Variants in INSRR observed in about 807,000 individuals in gnomAD.
INSRR encodes the protein insulin receptor-related protein.
INSRR carries 114 observed loss-of-function variants against 130.0 expected under a neutral mutation model. The observed-to-expected ratio is 0.88, with a 90% confidence interval of 0.75 to 1.02. The LOEUF (loss-of-function observed/expected upper bound fraction) is 1.02. Ranked by LOEUF, INSRR falls within the 50% of genes least tolerant of loss-of-function variation. The pLI is 0.00. For missense variants in INSRR, 1,657 were observed against 1,735.2 expected (o/e 0.95, Z 0.80); for synonymous variants, 674 against 705.2 (o/e 0.96, Z 0.70).
rs749463486 is a variant in INSRR, at chr1:156,846,056, C to A, written c.1874G>T (p.Trp625Leu). The A allele has an allele frequency of 1.9e-6, 3 of 1,612,752 alleles. No individual in the cohort carries two copies. The highest frequency in any genetic ancestry group is 2.5e-6 in the Non-Finnish European group (3 of 1,179,476). ...CCCATTGCGCTGGGTCGGTGGCTTC[C>A]AGCGCACCAGGAGGTGGGAGGAGGA... ...SNSSSHLLVR[W>L]KPPTQRNGNL... is the part of the protein sequence containing the mutation. Residue 625 changes from tryptophan (W) to leucine (L), a missense_variant, in exon 9 of 22, where the codon TGG becomes TTG. Physicochemically the swap from Trp to Leu is moderately conservative, Grantham distance 61 (BLOSUM62 -2). Coordinates refer to ENST00000368195, the MANE Select transcript of INSRR (RefSeq NM_014215.3).
chr1:156,857,163 ATGTGTGTGTGTGTG>A (rs57324546), intron 1 of INSRR, among the ~76,000 whole-genome samples: 6,074 of 130,612 alleles, frequency 0.047, 137 homozygotes, highest in Non-Finnish European at 0.068. Flanking sequence ...GCAGCTGTGT[ATGTGTGTGTGTGTG>A]TGTGTGTGTG....
chr1:156,856,327 C>T (rs984859461), intron 1 of INSRR, among the ~76,000 whole-genome samples: 4 of 152,114 alleles, frequency 2.6e-5, no homozygotes, highest in African/African-American at 9.7e-5. Flanking sequence ...TCTGTGACTG[C>T]GAAGAAGTGA....
At chr1:156,846,876 A>G in intron 7 of INSRR, 119 bp from the exon 8 acceptor site, 1 of 805,030 alleles carries the variant, frequency 1.2e-6, no homozygotes, top group Non-Finnish European at 2.1e-6. Context: ...GGGCAAAGCC[A>G]TGACTCCAGC....
rs1365167847 is a variant in INSRR at position 156,850,224 on chromosome 1, T to A, written c.1230-764A>T. On this transcript the variant is annotated intron_variant, in intron 5 of 21. Coordinates refer to ENST00000368195, the MANE Select transcript of INSRR (RefSeq NM_014215.3). ...GCCTGGTTGGTTATTTATTTATGTA[T>A]GTTTTGAGCTGGAGTCTCCCTCTGT... 2.0e-5 allele frequency among the ~76,000 whole-genome samples: 3 copies of A among 152,012 alleles called. No individual in the cohort carries two copies. In the East Asian group the frequency reaches 5.8e-4, roughly 29 times the overall value.
Position 156,854,379 on chromosome 1 carries a change from G to A in INSRR, c.86-76C>T, listed in dbSNP as rs191669600. ...CCATCCAGCCCTGGCAGCTTTGGAG[G>A]GGAGCCACACTGGCAGTAGGACAAT... On this transcript the variant is annotated intron_variant, in intron 1 of 21. Coordinates refer to ENST00000368195, the MANE Select transcript of INSRR (RefSeq NM_014215.3). The surrounding 1 kb of genome is among the most constrained non-coding windows in gnomAD (Gnocchi z 4.2). 4.3e-6 allele frequency: 6 copies of A among 1,408,304 alleles called. No homozygotes were observed. Among genetic ancestry groups the A allele is most frequent in the Admixed American group, 2.1e-5 (1 of 48,480 alleles). The allele number at this position is 1,408,304 out of a possible 1,614,324, so 87.2% of individuals were successfully genotyped here.
chr1:156,857,750 G>A (rs1177733382), intron 1 of INSRR, among the ~76,000 whole-genome samples: 1 of 152,238 alleles, frequency 6.6e-6, no homozygotes, highest in African/African-American at 2.4e-5. Context: ...TCTCGGGCAA[G>A]CACAGAGTCT....
intron 19 of INSRR, 122 bp downstream of exon 19, chr1:156,841,989 TG>T: frequency 6.4e-7 from 1 of 1,557,200 alleles, no homozygotes; most frequent in Admixed American, 1.8e-5. Flanking sequence ...AGATACAGGG[TG>T]GGGGTGACTT....
At chr1:156,845,552 C>T (rs893619882) in intron 10 of INSRR, 67 bp downstream of exon 10, 5 of 1,325,300 alleles carry the variant, frequency 3.8e-6, no homozygotes, top group Admixed American at 5.0e-5. Context: ...CCCCACCCCT[C>T]CCGCAAGACC....
intron 1 of INSRR, among the ~76,000 whole-genome samples, chr1:156,857,416 G>A (rs1254453449): frequency 6.6e-6 from 1 of 152,304 alleles, no homozygotes; most frequent in East Asian, 1.9e-4. Flanking sequence ...AACCTTCACA[G>A]TTTAACCCCT....
At chr1:156,857,285 C>T (rs1558093505) in intron 1 of INSRR, among the ~76,000 whole-genome samples, 3 of 152,050 alleles carry the variant, frequency 2.0e-5, no homozygotes, top group Non-Finnish European at 2.9e-5. Flanking sequence ...CTATCCCTTC[C>T]AGGCAAAAGC....
At position 156,844,251 on chromosome 1, in the gene INSRR, G is replaced by A; in HGVS notation, c.2767C>T (p.Leu923Phe). 1 of 1,613,892 alleles carries A rather than the reference G, an allele frequency of 6.2e-7. No homozygotes were observed. Among genetic ancestry groups the A allele is most frequent in the South Asian group, 1.1e-5 (1 of 91,070 alleles). ...EEEDAGGLHVLLTATPVGLTL... is the reference protein window; with the variant it reads ...EEEDAGGLHVFLTATPVGLTL... ...AGCCCCACAGGGGTGGCAGTGAGGAGGACATGCAGCCCCCCAGCATCCTCC... is the reference window on the plus strand; with the variant it reads ...AGCCCCACAGGGGTGGCAGTGAGGAAGACATGCAGCCCCCCAGCATCCTCC... The change falls in exon 15 of 22, where the codon CTC becomes TTC. Residue 923 changes from leucine (L) to phenylalanine (F), a missense_variant. Coordinates refer to ENST00000368195, the MANE Select transcript of INSRR (RefSeq NM_014215.3).
intron 6 of INSRR, 38 bp downstream of exon 6, chr1:156,849,208 T>A (rs1179992415): frequency 6.2e-7 from 1 of 1,608,542 alleles, no homozygotes; most frequent in African/African-American, 1.3e-5. Context: ...GTCTAGTGTG[T>A]GGCCGCGTGT....
At chr1:156,856,344 C>T (rs149569405) in intron 1 of INSRR, among the ~76,000 whole-genome samples, 8 of 152,276 alleles carry the variant, frequency 5.3e-5, no homozygotes, top group African/African-American at 1.9e-4. Flanking sequence ...GTGATCTGAG[C>T]TTTGCAGGTC....
In INSRR at chr1:156,841,417, C is replaced by T; in HGVS notation, c.3639G>A (p.Glu1213=). 6.2e-7 allele frequency: 1 copy of T among 1,613,930 alleles called. No homozygotes were observed. The highest frequency in any genetic ancestry group is 8.5e-7 in the Non-Finnish European group (1 of 1,179,902). The change falls in exon 21 of 22, where the codon GAG becomes GAA. Residue 1213 remains glutamate (E), a synonymous_variant. Coordinates refer to ENST00000368195, the MANE Select transcript of INSRR (RefSeq NM_014215.3). ...KFVMDGGVLE[E]LEGCPLQLQE... is the part of the protein sequence containing the mutation. ...ACAGCTGAAGGGGACAGCCCTCCAG[C>T]TCCTCCAGGACCCCGCCATCCATGA...
At chr1:156,852,968 G>T (rs1475983823) in intron 2 of INSRR, among the ~76,000 whole-genome samples, 1 of 151,930 alleles carries the variant, frequency 6.6e-6, no homozygotes, top group African/African-American at 2.4e-5. Flanking sequence ...AGACCACCAG[G>T]TTGGGGGACC....
chr1:156,858,839 G>C lies in INSRR; in HGVS notation c.-218C>G. 1.7e-6 allele frequency: 1 copy of C among 586,066 alleles called. No individual in the cohort carries two copies. Among genetic ancestry groups the C allele is most frequent in the South Asian group, 2.0e-5 (1 of 49,538 alleles). 36.3% of individuals were successfully genotyped at this position (586,066 alleles called of 1,614,324 possible). A position where few individuals can be genotyped will look rare whatever the true frequency, so the allele number is the denominator to read the frequency against. On this transcript the variant is annotated 5_prime_UTR_variant, in exon 1 of 22. Coordinates refer to ENST00000368195, the MANE Select transcript of INSRR (RefSeq NM_014215.3). ...AGACAGTGACAGGCAGTTGGAGACA[G>C]AGAGACTCAGCATGAGATTGAGAGA...
chr1:156,843,470 G>T lies in INSRR; in HGVS notation c.2853C>A (p.Thr951=), dbSNP rs755706109. 9 of 1,614,056 alleles carry T rather than the reference G, an allele frequency of 5.6e-6. No individual in the cohort carries two copies. The South Asian group carries it at 7.7e-5, about 14-fold the overall frequency. Residue 951 remains threonine (T), a synonymous_variant, in exon 16 of 22, where the codon ACC becomes ACA. Coordinates refer to ENST00000368195, the MANE Select transcript of INSRR (RefSeq NM_014215.3). ...GFFYGKKRNR[T]LYASVNPEYF... The stretch of plus-strand genomic sequence containing the variant: ...ACTCTGGATTCACAGAAGCATACAG[G>T]GTTCTGTTTCTGCAACGGGAGGTGA...
Position 156,845,427 on chromosome 1 carries a change from G to C in INSRR, c.2175-14C>G. ...TTCCAAGGGGATCTGGGGAGGCCAG[G>C]AGTAGCCCTATCAGGCCTGTCCGGA... On this transcript the variant is annotated splice_polypyrimidine_tract_variant and intron_variant, in intron 10 of 21. Coordinates refer to ENST00000368195, the MANE Select transcript of INSRR (RefSeq NM_014215.3). The C allele has an allele frequency of 4.5e-6, 7 of 1,541,118 alleles. No homozygotes were observed. Among genetic ancestry groups the C allele is most frequent in the Non-Finnish European group, 6.1e-6 (7 of 1,144,076 alleles).
At chr1:156,853,685 G>T in intron 2 of INSRR, 67 bp downstream of exon 2, 1 of 1,475,094 alleles carries the variant, frequency 6.8e-7, no homozygotes, top group Non-Finnish European at 9.2e-7. Context: ...ACCATCCTGT[G>T]GCCACCCAGC....
Sources: gnomAD v4.1 joint callset for allele counts (sites outside exome capture counted in the v4.1 genomes callset) on GRCh38, gnomAD v4.1.1 for gene constraint, Gnocchi (gnomAD v3.1) non-coding constraint, MANE v1.5 for transcripts, NCBI Gene and HGNC (gene_info 2026-07-23, HGNC 2026-07-21) for gene names.